The following ASB5 variants were observed in gnomAD, a reference collection of about 807,000 sequenced individuals.
ASB5 encodes the protein ankyrin repeat and SOCS box protein 5.
ASB5 carries 45 observed loss-of-function variants against 42.1 expected under a neutral mutation model. The ratio of observed to expected loss-of-function variants is 1.07; its 90% CI spans 0.84 to 1.37. ASB5 has a LOEUF of 1.37. Ranked by LOEUF, ASB5 falls within the 40% of genes most tolerant of loss-of-function variation. The pLI, the probability that ASB5 is intolerant of heterozygous loss-of-function variation, is 0.00. For synonymous variants in ASB5, 147 were observed against 150.6 expected (o/e 0.98, Z 0.18); for missense variants, 402 against 399.8 (o/e 1.01, Z -0.05).
intron 2 of ASB5, among the ~76,000 whole-genome samples, chr4:176,274,230 G>A (rs1449743896): frequency 6.6e-6 from 1 of 152,174 alleles, no homozygotes; most frequent in Non-Finnish European, 1.5e-5. Context: ...GGAGCACCTG[G>A]ATCTAGTTAG....
At chr4:176,226,191 C>T (rs1753373763) in intron 1 of ASB5, among the ~76,000 whole-genome samples, 1 of 152,094 alleles carries the variant, frequency 6.6e-6, no homozygotes, top group Admixed American at 6.5e-5. Context: ...GAGCTGCTTG[C>T]AGTATGGATG....
chr4:176,219,739 G>GT (rs1223467370), intron 5 of ASB5, among the ~76,000 whole-genome samples: 1 of 150,178 alleles, frequency 6.7e-6, no homozygotes, highest in African/African-American at 2.5e-5. Context: ...GCTAATTTTT[G>GT]TATTTTTAAT....
At chr4:176,225,031 A>G (rs1055508424) in intron 2 of ASB5, among the ~76,000 whole-genome samples, 1 of 152,232 alleles carries the variant, frequency 6.6e-6, no homozygotes, top group African/African-American at 2.4e-5. Flanking sequence ...CTATCGATGA[A>G]CAAATATGCT....
intron 1 of ASB5, among the ~76,000 whole-genome samples, chr4:176,261,564 C>A (rs1319892851): frequency 6.6e-6 from 1 of 152,166 alleles, no homozygotes; most frequent in Non-Finnish European, 1.5e-5. Flanking sequence ...CTAAACTTTT[C>A]CTCTTTTTTT....
intron 6 of ASB5, among the ~76,000 whole-genome samples, 166 bp downstream of exon 6, chr4:176,216,652 A>G (rs1752978605): frequency 6.6e-6 from 1 of 152,194 alleles, no homozygotes; most frequent in South Asian, 2.1e-4. Context: ...CTCGGCTGAT[A>G]TCTTCTTTAT....
chr4:176,235,545 T>C (rs1456902008), intron 1 of ASB5, among the ~76,000 whole-genome samples: 1 of 152,210 alleles, frequency 6.6e-6, no homozygotes, highest in Non-Finnish European at 1.5e-5. Flanking sequence ...TTTAATCATA[T>C]AGCTAGAGCA....
Position 176,219,667 on chromosome 4 carries a change from C to T in ASB5, c.670+1488G>A, listed in dbSNP as rs28725490. On this transcript the variant is annotated intron_variant, in intron 5 of 6. Coordinates refer to ENST00000296525, the MANE Select transcript of ASB5 (RefSeq NM_080874.4). Reference sequence around the variant, plus strand: ...TCGGCTCACTGTTACCTCCACCTCCCGGGTTCAAGTTGCCTCAGCCTCTCG... The same window carrying T: ...TCGGCTCACTGTTACCTCCACCTCCTGGGTTCAAGTTGCCTCAGCCTCTCG... Among the ~76,000 whole-genome samples the T allele has an allele frequency of 6.4e-3, 903 of 140,716 alleles. 17 individuals carry two copies. Among genetic ancestry groups the T allele is most frequent in the African/African-American group, 0.023 (853 of 37,572 alleles). The allele number at this position is 140,716 out of a possible 152,430, so 92.3% of individuals were successfully genotyped here. A position where few individuals can be genotyped will look rare whatever the true frequency, so the allele number is the denominator to read the frequency against.
At chr4:176,260,105 T>C (rs998912509) in intron 1 of ASB5, among the ~76,000 whole-genome samples, 2 of 152,210 alleles carry the variant, frequency 1.3e-5, no homozygotes, top group Non-Finnish European at 2.9e-5. Context: ...ACTGGGACAG[T>C]CTAGTTTTAA....
chr4:176,273,757 A>G (rs956046313), upstream of ASB5, among the ~76,000 whole-genome samples: 29 of 152,246 alleles, frequency 1.9e-4, no homozygotes, highest in African/African-American at 7.0e-4. Flanking sequence ...CTATTCGTAT[A>G]TATATGTTGT....
At chr4:176,254,379 C>A (rs1408715192) in intron 1 of ASB5, among the ~76,000 whole-genome samples, 2 of 152,048 alleles carry the variant, frequency 1.3e-5, no homozygotes, top group African/African-American at 2.4e-5. Context: ...TGAAACTGGA[C>A]CCCTTCCTTA....
intron 1 of ASB5, among the ~76,000 whole-genome samples, chr4:176,225,571 G>C (rs1432905752): frequency 1.5e-5 from 2 of 133,186 alleles, no homozygotes; most frequent in Non-Finnish European, 3.2e-5. Flanking sequence ...ACCCACCCCA[G>C]ACTTACTGTG....
intron 1 of ASB5, among the ~76,000 whole-genome samples, chr4:176,234,786 C>T (rs1445743290): frequency 1.3e-5 from 2 of 152,168 alleles, no homozygotes; most frequent in African/African-American, 2.4e-5. Context: ...CACATATTGG[C>T]TCACTCTGTT....
chr4:176,223,659 C>A (rs1028102017), intron 2 of ASB5, among the ~76,000 whole-genome samples: 1 of 152,124 alleles, frequency 6.6e-6, no homozygotes, highest in African/African-American at 2.4e-5. Flanking sequence ...AAAACATAAT[C>A]CTTTCAAAGA....
intron 1 of ASB5, among the ~76,000 whole-genome samples, chr4:176,229,907 TGAA>T (rs1263527671): frequency 2.0e-5 from 3 of 151,998 alleles, no homozygotes; most frequent in Middle Eastern, 3.2e-3. Flanking sequence ...CACTATTCCT[TGAA>T]GAAGGGGGTG....
At chr4:176,269,236 G>A (rs1468987585), upstream of ASB5, 1 of 716,132 alleles carries the variant, frequency 1.4e-6, no homozygotes, top group Non-Finnish European at 2.2e-6. Flanking sequence ...GATGCCTACA[G>A]CTCAAAATAT....
chr4:176,236,623 T>C (rs545595812), intron 1 of ASB5, among the ~76,000 whole-genome samples: 6 of 152,324 alleles, frequency 3.9e-5, no homozygotes, highest in African/African-American at 1.4e-4. Flanking sequence ...TAATCATTTA[T>C]AATAACATTC....
intron 1 of ASB5, among the ~76,000 whole-genome samples, chr4:176,255,873 T>C (rs539695853): frequency 6.6e-6 from 1 of 152,302 alleles, no homozygotes; most frequent in East Asian, 1.9e-4. Flanking sequence ...GAAATTATTT[T>C]TAAAAAGAAA....
upstream of ASB5, among the ~76,000 whole-genome samples, chr4:176,269,909 G>C (rs983671849): frequency 2.0e-5 from 3 of 152,144 alleles, no homozygotes; most frequent in African/African-American, 7.2e-5. Flanking sequence ...GTAAACCTGG[G>C]AGGGAGGTGT....
In ASB5 at chr4:176,214,127, C is replaced by T. The variant is rs1044841817; in HGVS notation, c.*1473G>A. ...TTCTATGTTTGAAAATCTCAACAAA[C>T]GTTTTAAATCACAACTGATTTTTTT... is the stretch of plus-strand genomic sequence containing the variant. On this transcript the variant is annotated 3_prime_UTR_variant, in exon 7 of 7. Transcript: ENST00000296525. The T allele has an allele frequency of 7.9e-5, 12 of 152,108 alleles. No individual in the cohort carries two copies. The highest frequency in any genetic ancestry group is 1.7e-4 in the African/African-American group (7 of 41,526). The allele number at this position is 152,108 out of a possible 1,614,324, so 9.4% of individuals were successfully genotyped here.
Sources: gnomAD v4.1 joint callset for allele counts (sites outside exome capture counted in the v4.1 genomes callset) on GRCh38, gnomAD v4.1.1 for gene constraint, MANE v1.5 for transcripts, NCBI Gene and HGNC (gene_info 2026-07-23, HGNC 2026-07-21) for gene names.